RIMS2: variants seen among roughly 807,000 people sequenced by gnomAD.
RIMS2 encodes the protein regulating synaptic membrane exocytosis protein 2.
A neutral mutation model predicts 174.4 loss-of-function variants in RIMS2; 59 were observed. The observed-to-expected ratio is 0.34, with a 90% CI of 0.27 to 0.42. The LOEUF (loss-of-function observed/expected upper bound fraction) is 0.42. RIMS2 is among the 10% of genes least tolerant of loss of function. The pLI is 1.00. For synonymous variants in RIMS2, 606 were observed against 572.5 expected (o/e 1.06, Z -0.84); for missense variants, 1,620 against 1,666.3 (o/e 0.97, Z 0.48).
At chr8:103,608,806 C>T (rs1240772196) in intron 1 of RIMS2, among the ~76,000 whole-genome samples, 1 of 152,222 alleles carries the variant, frequency 6.6e-6, no homozygotes, top group Admixed American at 6.5e-5. Flanking sequence ...ACTCCCTGAT[C>T]CGTTGCACTT....
At chr8:103,931,168 G>A in intron 11 of RIMS2, 95 bp from the exon 14 acceptor site, 2 of 899,484 alleles carry the variant, frequency 2.2e-6, no homozygotes, top group East Asian at 2.6e-5. Context: ...CTGTGCTAAT[G>A]TTATTGTAAG....
At chr8:103,709,893 T>A (rs757537856) in intron 2 of RIMS2, among the ~76,000 whole-genome samples, 4 of 152,132 alleles carry the variant, frequency 2.6e-5, no homozygotes, top group Non-Finnish European at 4.4e-5. Flanking sequence ...CCACTTATCT[T>A]GTATTTTCCT....
At chr8:103,961,103 G>T in exon 15 of RIMS2, 1 of 1,506,606 alleles carries the variant, frequency 6.6e-7, no homozygotes, top group South Asian at 1.1e-5. Context: ...CTCTGACTAT[G>T]ACTGTGATGA....
intron 12 of RIMS2, among the ~76,000 whole-genome samples, chr8:103,931,784 CT>C (rs1178504395): frequency 6.6e-6 from 1 of 151,896 alleles, no homozygotes; most frequent in African/African-American, 2.4e-5. Flanking sequence ...CTAAAAAGTA[CT>C]CATTTTAATA....
intron 14 of RIMS2, among the ~76,000 whole-genome samples, chr8:103,944,565 T>C (rs1406334177): frequency 6.6e-6 from 1 of 152,076 alleles, no homozygotes; most frequent in East Asian, 1.9e-4. Context: ...TTCATTTTTT[T>C]CCCCACACTA....
intron 3 of RIMS2, among the ~76,000 whole-genome samples, chr8:103,827,870 A>T (rs2098801507): frequency 1.3e-5 from 2 of 151,868 alleles, no homozygotes. Context: ...GCAACGGTAG[A>T]TAACTAACCA....
At chr8:103,770,916 A>G (rs2098246234) in intron 3 of RIMS2, among the ~76,000 whole-genome samples, 1 of 152,204 alleles carries the variant, frequency 6.6e-6, no homozygotes. Flanking sequence ...TACCATTCAG[A>G]AACCAGTGGC....
chr8:103,768,774 A>G, intron 3 of RIMS2: 2 of 738,230 alleles, frequency 2.7e-6, no homozygotes, highest in African/African-American at 1.8e-5. Context: ...TAAACAAAGA[A>G]GGTAAGAAAC....
chr8:104,145,799 T>C (rs112312827), intron 19 of RIMS2, among the ~76,000 whole-genome samples: 2 of 151,802 alleles, frequency 1.3e-5, no homozygotes, highest in African/African-American at 4.8e-5. Context: ...GGAGGAGAGA[T>C]TGCGGTGAGC....
At chr8:103,746,226 C>T (rs1379556319) in intron 2 of RIMS2, among the ~76,000 whole-genome samples, 1 of 152,158 alleles carries the variant, frequency 6.6e-6, no homozygotes, top group African/African-American at 2.4e-5. Flanking sequence ...ACGATCTTGG[C>T]TCCCTTGTTG....
At chr8:104,210,643 A>G (rs1239361371) in intron 19 of RIMS2, among the ~76,000 whole-genome samples, 1 of 152,216 alleles carries the variant, frequency 6.6e-6, no homozygotes, top group Non-Finnish European at 1.5e-5. Flanking sequence ...AAAAATTCAG[A>G]AGGCACATCC....
chr8:103,889,175 G>A (rs982220798), intron 4 of RIMS2, among the ~76,000 whole-genome samples: 6 of 151,662 alleles, frequency 4.0e-5, no homozygotes, highest in Non-Finnish European at 7.4e-5. Flanking sequence ...ATTCATCTTT[G>A]ATAGTTAACT....
At chr8:104,214,038 G>A (rs964760228) in intron 19 of RIMS2, among the ~76,000 whole-genome samples, 3 of 152,178 alleles carry the variant, frequency 2.0e-5, no homozygotes, top group African/African-American at 7.2e-5. Flanking sequence ...TTGTTGTCAA[G>A]TATGGGAAAG....
At chr8:103,931,112 T>C (rs1339834697) in intron 11 of RIMS2, 151 bp from the exon 14 acceptor site, 1 of 524,272 alleles carries the variant, frequency 1.9e-6, no homozygotes, top group Non-Finnish European at 3.3e-6. Flanking sequence ...TTATAGTATA[T>C]CCTTTTATTT....
intron 19 of RIMS2, among the ~76,000 whole-genome samples, chr8:104,093,053 ATAAT>A (rs751323106): frequency 6.6e-6 from 1 of 152,024 alleles, no homozygotes; most frequent in Non-Finnish European, 1.5e-5. Flanking sequence ...TAATGGTTTA[ATAAT>A]TAGATTTTAT....
chr8:103,892,980 T>A (rs542161032), intron 4 of RIMS2, among the ~76,000 whole-genome samples: 1 of 152,036 alleles, frequency 6.6e-6, no homozygotes, highest in Admixed American at 6.6e-5. Flanking sequence ...TTATTATTAA[T>A]TGATGAGAGA....
At chr8:103,781,195 CTG>C (rs1244544350) in intron 3 of RIMS2, among the ~76,000 whole-genome samples, 1 of 152,090 alleles carries the variant, frequency 6.6e-6, no homozygotes, top group Non-Finnish European at 1.5e-5. Flanking sequence ...AGTGTAGAAA[CTG>C]TGAGTTGGGG....
chr8:104,206,337 T>C (rs1397727639), intron 19 of RIMS2, among the ~76,000 whole-genome samples: 1 of 152,222 alleles, frequency 6.6e-6, no homozygotes, highest in African/African-American at 2.4e-5. Flanking sequence ...CTCTGAACTT[T>C]AGAAACAAAA....
intron 10 of RIMS2, among the ~76,000 whole-genome samples, chr8:103,924,702 A>T (rs1276434463): frequency 6.6e-6 from 1 of 151,736 alleles, no homozygotes; most frequent in Non-Finnish European, 1.5e-5. Flanking sequence ...CTGTCAGTTC[A>T]TGTCTCAAAT....
Sources: gnomAD v4.1 joint callset for allele counts (sites outside exome capture counted in the v4.1 genomes callset) on GRCh38, gnomAD v4.1.1 for gene constraint, MANE v1.5 for transcripts, NCBI Gene and HGNC (gene_info 2026-07-23, HGNC 2026-07-21) for gene names.